The following MIA2 variants were observed in gnomAD, a reference collection of about 807,000 sequenced individuals.
MIA2 encodes the protein melanoma inhibitory activity protein 2.
In MIA2, 127 loss-of-function variants were observed where a neutral mutation model predicts 167.8. The observed-to-expected ratio is 0.76, with a 90% CI of 0.66 to 0.88. The LOEUF (loss-of-function observed/expected upper bound fraction) is 0.88, where lower values mean the gene tolerates loss of function less well. Ranked by LOEUF, MIA2 falls within the 40% of genes least tolerant of loss-of-function variation. The pLI, the probability that MIA2 is intolerant of heterozygous loss-of-function variation, is 0.00. For missense variants in MIA2, 1,690 were observed against 1,624.7 expected (o/e 1.04, Z -0.69); for synonymous variants, 552 against 541.9 (o/e 1.02, Z -0.26).
chr14:39,323,351 G>A lies in MIA2; in HGVS notation c.3496+2295G>A, dbSNP rs112933796. 3.9e-5 allele frequency among the ~76,000 whole-genome samples: 6 copies of A among 152,166 alleles called. 1 individual carries two copies. Among genetic ancestry groups the A allele is most frequent in the African/African-American group, 1.2e-4 (5 of 41,522 alleles). ...GGACTGCCCTATAGACTGATACTTA[G>A]AGCCTTAGGGAGGCTTTGCATTGAG... is the stretch of plus-strand genomic sequence containing the variant. On this transcript the variant is annotated intron_variant, in intron 24 of 28. Transcript: ENST00000640607.
intron 9 of MIA2, among the ~76,000 whole-genome samples, chr14:39,285,372 G>A: frequency 6.6e-6 from 1 of 151,178 alleles, no homozygotes; most frequent in African/African-American, 2.4e-5. Context: ...CGGCGGCCGG[G>A]CGGGGGCTGC....
rs1555423423 is a variant in MIA2 at position 39,381,026 on chromosome 14, A to AAAC, written c.2249-5857_2249-5856insCAA. 1.1e-3 allele frequency among the ~76,000 whole-genome samples: 163 copies of AAAC among 148,318 alleles called. 1 individual carries two copies. Among genetic ancestry groups the AAAC allele is most frequent in the African/African-American group, 4.1e-3 (161 of 39,468 alleles). On this transcript the variant is annotated intron_variant, in intron 23 of 23. Transcript: ENST00000341502. The stretch of plus-strand genomic sequence containing the variant: ...TAACTATTTTAGTAAAAAAAACAAA[A>AAAC]AAAAAAAAAACAAAGGTAACAATAC...
At chr14:39,372,284 C>T (rs939259291) in intron 23 of MIA2, among the ~76,000 whole-genome samples, 17 of 151,908 alleles carry the variant, frequency 1.1e-4, no homozygotes, top group African/African-American at 4.1e-4. Flanking sequence ...AGTATTGACT[C>T]AGTTTTGTGT....
At chr14:39,355,735 C>G (rs1488519581), downstream of MIA2, among the ~76,000 whole-genome samples, 1 of 152,104 alleles carries the variant, frequency 6.6e-6, no homozygotes, top group Non-Finnish European at 1.5e-5. Context: ...CCATCAATAC[C>G]TAATTTATTG....
intron 6 of MIA2, among the ~76,000 whole-genome samples, chr14:39,261,482 T>C (rs532591503): frequency 6.6e-6 from 1 of 152,310 alleles, no homozygotes; most frequent in South Asian, 2.1e-4. Flanking sequence ...CAGCATGATT[T>C]ATAATCCTTT....
At chr14:39,252,377 G>C (rs1302059925) in intron 4 of MIA2, among the ~76,000 whole-genome samples, 1 of 152,104 alleles carries the variant, frequency 6.6e-6, no homozygotes, top group African/African-American at 2.4e-5. Context: ...GAAAATGGAG[G>C]ATGGGGCCAT....
chr14:39,365,653 A>T (rs933690340), intron 23 of MIA2, among the ~76,000 whole-genome samples: 2 of 1,970 alleles, frequency 1.0e-3, no homozygotes, highest in African/African-American at 5.8e-3. Flanking sequence ...AAAAATACCT[A>T]TCTATCTATC....
rs774485080 is a variant in MIA2, at chr14:39,267,435, C to T, written c.1888-9499C>T. ...CCCCGACAGGCCGGGGTTACTGTGG[C>T]GACCACGAGAGCAGCTTTGGCGCTA... On this transcript the variant is annotated intron_variant, in intron 6 of 28. Transcript: ENST00000640607. The T allele has an allele frequency of 1.9e-6, 3 of 1,610,822 alleles. No homozygotes were observed. The East Asian group carries it at 6.7e-5, about 36-fold the overall frequency.
At chr14:39,262,552 G>A (rs546515881) in intron 6 of MIA2, among the ~76,000 whole-genome samples, 3 of 152,090 alleles carry the variant, frequency 2.0e-5, no homozygotes, top group Non-Finnish European at 4.4e-5. Context: ...TTCTGTGAAG[G>A]AAGTCATTGA....
At chr14:39,327,505 A>G (rs8014123) in intron 25 of MIA2, among the ~76,000 whole-genome samples, 53,211 of 151,952 alleles carry the variant, frequency 0.35, 10,503 homozygotes, top group African/African-American at 0.53. Flanking sequence ...TCTCACCAAA[A>G]TAAATATATT....
At chr14:39,246,672 A>T (rs2054327213) in intron 3 of MIA2, among the ~76,000 whole-genome samples, 1 of 152,216 alleles carries the variant, frequency 6.6e-6, no homozygotes, top group Non-Finnish European at 1.5e-5. Context: ...GGAGCAGAGC[A>T]AGACCCTGTC....
At chr14:39,360,525 GT>G (rs1361787556) in intron 23 of MIA2, among the ~76,000 whole-genome samples, 2 of 150,842 alleles carry the variant, frequency 1.3e-5, no homozygotes, top group Admixed American at 6.6e-5. Context: ...AGTGCCTTGT[GT>G]ATTCTTGTGT....
chr14:39,269,227 A>G (rs907276350), intron 6 of MIA2, among the ~76,000 whole-genome samples: 41 of 151,796 alleles, frequency 2.7e-4, no homozygotes, highest in Admixed American at 2.4e-3. Flanking sequence ...TCATCCTTTT[A>G]TAATGTCCAT....
At chr14:39,277,860 G>A (rs950454127) in intron 7 of MIA2, among the ~76,000 whole-genome samples, 3 of 139,640 alleles carry the variant, frequency 2.1e-5, no homozygotes, top group Non-Finnish European at 4.5e-5. Context: ...ATTATAGTGC[G>A]CCTACAGCCT....
chr14:39,303,043 A>G (rs2062786284), intron 15 of MIA2, among the ~76,000 whole-genome samples: 1 of 152,098 alleles, frequency 6.6e-6, no homozygotes, highest in Non-Finnish European at 1.5e-5. Context: ...TAAGTATATA[A>G]AGTTCTGTTT....
chr14:39,325,458 C>T (rs2067304405), intron 24 of MIA2, among the ~76,000 whole-genome samples: 1 of 149,358 alleles, frequency 6.7e-6, no homozygotes, highest in South Asian at 2.1e-4. Context: ...ACCTCCTCCT[C>T]CTGAGTTCAA....
chr14:39,273,639 A>C (rs2057506386), intron 6 of MIA2, among the ~76,000 whole-genome samples: 1 of 151,916 alleles, frequency 6.6e-6, no homozygotes. Context: ...GGTTCATAAG[A>C]TTATTGTATG....
chr14:39,334,794 C>T (rs1428556789), intron 25 of MIA2, among the ~76,000 whole-genome samples: 2 of 152,150 alleles, frequency 1.3e-5, no homozygotes, highest in African/African-American at 2.4e-5. Context: ...TCTCGAACTC[C>T]TGACCTCAGG....
At chr14:39,285,752 C>T (rs1220766935) in intron 9 of MIA2, among the ~76,000 whole-genome samples, 1 of 151,240 alleles carries the variant, frequency 6.6e-6, no homozygotes, top group East Asian at 2.0e-4. Context: ...GGAGGGGCTC[C>T]TCACTTCTCA....
Sources: gnomAD v4.1 joint callset for allele counts (sites outside exome capture counted in the v4.1 genomes callset) on GRCh38, gnomAD v4.1.1 for gene constraint, MANE v1.5 for transcripts, NCBI Gene and HGNC (gene_info 2026-07-23, HGNC 2026-07-21) for gene names.